The following BOD1L1 variants were observed in gnomAD, a reference collection of about 807,000 sequenced individuals.
BOD1L1 encodes the protein biorientation of chromosomes in cell division 1 like 1, also known as biorientation of chromosomes in cell division protein 1-like 1.
A neutral mutation model predicts 240.7 loss-of-function variants in BOD1L1; 86 were observed. The ratio of observed to expected loss-of-function variants is 0.36; its 90% confidence interval spans 0.30 to 0.43. BOD1L1 has a LOEUF of 0.43. BOD1L1 is among the 20% of genes least tolerant of loss of function. The pLI is 1.00. For missense variants in BOD1L1, 3,554 were observed against 3,643.5 expected (o/e 0.98, Z 0.63); for synonymous variants, 1,268 against 1,272.3 (o/e 1.00, Z 0.07).
chr4:13,576,403 A>G (rs187821658), intron 25 of BOD1L1, among the ~76,000 whole-genome samples: 1 of 152,210 alleles, frequency 6.6e-6, no homozygotes, highest in African/African-American at 2.4e-5. Flanking sequence ...CCTATGATCA[A>G]CCTATTGCAT....
chr4:13,579,346 A>C (rs898234968), intron 22 of BOD1L1, among the ~76,000 whole-genome samples: 6 of 152,214 alleles, frequency 3.9e-5, no homozygotes, highest in African/African-American at 1.4e-4. Context: ...AATGAACCTT[A>C]ATTTACCAAG....
chr4:13,596,019 C>T, intron 11 of BOD1L1, 75 bp from the exon 12 acceptor site: 2 of 1,166,452 alleles, frequency 1.7e-6, no homozygotes, highest in South Asian at 2.8e-5. Flanking sequence ...GTGAATTAAA[C>T]AAAAAAAAAC....
intron 2 of BOD1L1, among the ~76,000 whole-genome samples, chr4:13,616,676 G>T (rs1261739440): frequency 6.6e-6 from 1 of 152,160 alleles, no homozygotes; most frequent in East Asian, 1.9e-4. Context: ...CTTTACAAAT[G>T]CTATTTTTGA....
rs143637123 is a variant in BOD1L1 at position 13,604,083 on chromosome 4, T to C, written c.2817A>G (p.Pro939=). 7 of 1,613,732 alleles carry C rather than the reference T, an allele frequency of 4.3e-6. No individual in the cohort carries two copies. In the African/African-American group the frequency reaches 8.0e-5, roughly 18 times the overall value. The change falls in exon 10 of 26, where the codon CCA becomes CCG. Residue 939 remains proline, a synonymous_variant. Coordinates refer to ENST00000040738, the MANE Select transcript of BOD1L1 (RefSeq NM_148894.3). ...CTGTGTTCTTCTCCTTGTCTGGTTTTGGAGTGGTTGCCTGTTTTGTGGCAC... is the reference window on the plus strand; with the variant it reads ...CTGTGTTCTTCTCCTTGTCTGGTTTCGGAGTGGTTGCCTGTTTTGTGGCAC... ...QEGATKQATT[P]KPDKEKNTEE... is the part of the protein sequence containing the mutation.
chr4:13,604,956 G>A lies in BOD1L1; in HGVS notation c.1944C>T (p.Ser648=). The change falls in exon 10 of 26, where the codon TCC becomes TCT. Residue 648 remains serine (S), a synonymous_variant. Transcript: ENST00000040738. ...LHVVDENKNE[S]KLEREHKRRT... is the part of the protein sequence containing the mutation. ...GTCTTTTATGTTCTCTTTCTAATTT[G>A]GATTCATTTTTGTTTTCGTCAACTA... is the stretch of plus-strand genomic sequence containing the variant. The A allele has an allele frequency of 6.2e-7, 1 of 1,613,344 alleles. No homozygotes were observed. The highest frequency in any genetic ancestry group is 8.5e-7 in the Non-Finnish European group (1 of 1,179,702).
rs1715546883 is a variant in BOD1L1 at position 13,604,754 on chromosome 4, G to C, written c.2146C>G (p.Leu716Val). Residue 716 changes from leucine (L) to valine (V), a missense_variant, in exon 10 of 26, where the codon CTA becomes GTA. By Grantham distance (32) the Leu-to-Val change is conservative. Transcript: ENST00000040738. ...DDSETPHLKS[L>V]LKKEVKSSKE... ...GAGGATTTCACCTCTTTCTTAAGTA[G>C]GCTTTTCAAATGTGGTGTTTCAGAA... The C allele has an allele frequency of 6.2e-7, 1 of 1,612,828 alleles. No homozygotes were observed. The highest frequency in any genetic ancestry group is 1.7e-5 in the Admixed American group (1 of 59,866).
chr4:13,586,346 G>A, intron 17 of BOD1L1, 50 bp downstream of exon 17: 1 of 1,134,072 alleles, frequency 8.8e-7, no homozygotes, highest in East Asian at 2.4e-5. Flanking sequence ...GCTGTAATTA[G>A]GCCTCCCTAC....
At chr4:13,610,875 CTATT>C (rs1165376483) in intron 6 of BOD1L1, 55 bp downstream of exon 6, 1 of 1,417,016 alleles carries the variant, frequency 7.1e-7, no homozygotes, top group African/African-American at 1.4e-5. Flanking sequence ...TGCAGATAGA[CTATT>C]TAAGTTTGTT....
chr4:13,599,766 T>G lies in BOD1L1; in HGVS notation c.7134A>C (p.Leu2378=), dbSNP rs1158427764. The change falls in exon 10 of 26, where the codon CTA becomes CTC. Residue 2378 remains leucine, a synonymous_variant. Coordinates refer to ENST00000040738, the MANE Select transcript of BOD1L1 (RefSeq NM_148894.3). ...GACACCGACAGTTATTCTCAGCAAT[T>G]AGGCTGGGCATGGGGACCTTGTGCT... The part of the protein sequence containing the change: ...VSKHKVPMPS[L]IAENNCRCPG... 1 of 1,614,010 alleles carries G rather than the reference T, an allele frequency of 6.2e-7. No individual in the cohort carries two copies.
rs1714255349 is a variant in BOD1L1, at chr4:13,591,979, A to G, written c.8105-13T>C. ...CTCTGGAGTTCAGCTGTTCAAAAAT[A>G]AAAATGAGATGTAAAGAAACTGAAT... On this transcript the variant is annotated splice_polypyrimidine_tract_variant and intron_variant, in intron 12 of 25. Coordinates refer to ENST00000040738, the MANE Select transcript of BOD1L1 (RefSeq NM_148894.3). 6.5e-7 allele frequency: 1 copy of G among 1,535,780 alleles called. No individual in the cohort carries two copies. Among genetic ancestry groups the G allele is most frequent in the Admixed American group, 2.1e-5 (1 of 47,038 alleles).
chr4:13,608,792 G>T, intron 7 of BOD1L1, 124 bp from the exon 8 acceptor site: 2 of 716,534 alleles, frequency 2.8e-6, no homozygotes, highest in Middle Eastern at 4.0e-4. Flanking sequence ...TTCTTAAGTT[G>T]TGCTGGAATA....
intron 11 of BOD1L1, 115 bp from the exon 12 acceptor site, chr4:13,596,059 T>G: frequency 1.3e-6 from 1 of 795,246 alleles, no homozygotes; most frequent in East Asian, 2.5e-5. Context: ...TAAAAGCCTA[T>G]TTTCAAGAGT....
chr4:13,608,751 A>C (rs1234107998), intron 7 of BOD1L1, 83 bp from the exon 8 acceptor site: 1 of 1,223,578 alleles, frequency 8.2e-7, no homozygotes, highest in Non-Finnish European at 1.1e-6. Flanking sequence ...AGATTTTTCT[A>C]ATCATTGTTA....
intron 1 of BOD1L1, chr4:13,623,757 C>T (rs1166490720): frequency 6.6e-6 from 1 of 152,172 alleles, no homozygotes; most frequent in African/African-American, 2.4e-5. Context: ...GCTCTTAGCA[C>T]CTGGCAGGTA....
chr4:13,575,154 C>T (rs1342683714), intron 25 of BOD1L1, among the ~76,000 whole-genome samples: 1 of 151,876 alleles, frequency 6.6e-6, no homozygotes, highest in Non-Finnish European at 1.5e-5. Context: ...CTCCTGACCT[C>T]GTGATCCGCC....
At chr4:13,582,521 C>T in intron 18 of BOD1L1, 131 bp downstream of exon 18, 1 of 730,426 alleles carries the variant, frequency 1.4e-6, no homozygotes, top group Non-Finnish European at 2.3e-6. Context: ...ATTCCCTAGC[C>T]CTATTAATCT....
At chr4:13,625,560 T>C (rs1483763063) in intron 1 of BOD1L1, 1 of 152,214 alleles carries the variant, frequency 6.6e-6, no homozygotes, top group Non-Finnish European at 1.5e-5. Context: ...ATTTTTAATT[T>C]GTATACATAA....
chr4:13,577,560 T>G (rs755637379), intron 23 of BOD1L1, 22 bp downstream of exon 23: 1 of 1,584,414 alleles, frequency 6.3e-7, no homozygotes, highest in Non-Finnish European at 8.6e-7. Context: ...CAACATATCT[T>G]GATAAGAAAT....
chr4:13,622,904 C>T (rs1577386572), intron 1 of BOD1L1, among the ~76,000 whole-genome samples: 1 of 151,902 alleles, frequency 6.6e-6, no homozygotes, highest in East Asian at 1.9e-4. Context: ...CTTCTGATGG[C>T]TCCCAAGACC....
Sources: gnomAD v4.1 joint callset for allele counts (sites outside exome capture counted in the v4.1 genomes callset) on GRCh38, gnomAD v4.1.1 for gene constraint, MANE v1.5 for transcripts, NCBI Gene and HGNC (gene_info 2026-07-23, HGNC 2026-07-21) for gene names.